The following CLSPN variants were observed in gnomAD, a reference collection of about 807,000 sequenced individuals.
CLSPN encodes the protein claspin, also known as claspin homolog.
CLSPN carries 85 observed loss-of-function variants against 156.3 expected under a neutral mutation model. The ratio of observed to expected loss-of-function variants is 0.54; its 90% CI spans 0.46 to 0.65. CLSPN has a LOEUF of 0.65. Among genes scored for constraint, CLSPN ranks in the 30% least tolerant of loss-of-function variants. The probability of loss-of-function intolerance (pLI) is 0.00; values close to 1 mark genes in which losing one functional copy is unlikely to be tolerated. For synonymous variants in CLSPN, 534 were observed against 542.4 expected (o/e 0.98, Z 0.22); for missense variants, 1,407 against 1,554.9 (o/e 0.90, Z 1.60).
chr1:35,761,868 C>A, intron 6 of CLSPN, 130 bp downstream of exon 6: 1 of 635,268 alleles, frequency 1.6e-6, no homozygotes, highest in Non-Finnish European at 2.8e-6. Flanking sequence ...TCACCAAGAT[C>A]AATTCTAAAC....
At position 35,738,420 on chromosome 1, in the gene CLSPN, C is replaced by G. The variant is rs548457890; in HGVS notation, c.3558+35G>C. 4.4e-6 allele frequency: 7 copies of G among 1,608,680 alleles called. No individual in the cohort carries two copies. The South Asian group carries it at 7.7e-5, about 18-fold the overall frequency. On this transcript the variant is annotated intron_variant, in intron 21 of 24. Coordinates refer to ENST00000318121, the MANE Select transcript of CLSPN (RefSeq NM_022111.4). ...CTATCATGACAAGCTAAGGGACAGT[C>G]TCATAAACTAGGGTCAGAGTAGGTG...
chr1:35,761,132 C>T lies in CLSPN; in HGVS notation c.968G>A (p.Arg323Gln), dbSNP rs750708437. 12 of 1,613,382 alleles carry T rather than the reference C, an allele frequency of 7.4e-6. No homozygotes were observed. Among genetic ancestry groups the T allele is most frequent in the South Asian group, 4.4e-5 (4 of 91,062 alleles). Reference protein sequence around the residue: ...TIHDFFKRKPRPTCHGNAMAL... With the variant: ...TIHDFFKRKPQPTCHGNAMAL... ...CATGGCATTTCCGTGGCAAGTGGGC[C>T]GGGGTTTACGTTTGAAGAAATCATG... The change falls in exon 7 of 25, where the codon CGG (arginine) becomes CAG (glutamine). Residue 323 changes from arginine to glutamine, a missense_variant. By Grantham distance (43) the Arg-to-Gln change is conservative. Coordinates refer to ENST00000318121, the MANE Select transcript of CLSPN (RefSeq NM_022111.4).
chr1:35,738,382 T>C lies in CLSPN; in HGVS notation c.3558+73A>G, dbSNP rs921266910. On this transcript the variant is annotated intron_variant, in intron 21 of 24. Transcript: ENST00000318121. The stretch of plus-strand genomic sequence containing the variant: ...AGATTTTGAAACTATCATGACAAGC[T>C]AAGATTTTGAAACTATCATGACAAG... The C allele has an allele frequency of 6.7e-6, 10 of 1,485,978 alleles. No individual in the cohort carries two copies. The African/African-American group carries it at 1.1e-4, about 17-fold the overall frequency. The allele number at this position is 1,485,978 out of a possible 1,614,324, so 92.0% of individuals were successfully genotyped here.
rs2148613693 is a variant in CLSPN, at chr1:35,739,184, G to C, written c.3382C>G (p.His1128Asp). ...CTCATTCGCCCAGGACCATCGCTGTGCAGATCCCCATCAGCAAGGTACCTC... is the reference window on the plus strand; with the variant it reads ...CTCATTCGCCCAGGACCATCGCTGTCCAGATCCCCATCAGCAAGGTACCTC... ...QERYLADGDLHSDGPGRMRKF... is the reference protein window; with the variant it reads ...QERYLADGDLDSDGPGRMRKF... The change falls in exon 20 of 25, where the codon CAC becomes GAC. Residue 1128 changes from histidine to aspartate, a missense_variant. Physicochemically the swap from His to Asp is moderately conservative, Grantham distance 81 (BLOSUM62 -1). This residue lies in a region of CLSPN where 70 missense variants were observed against 121.5 expected (regional missense o/e 0.58). Transcript: ENST00000318121. 1 of 1,614,124 alleles carries C rather than the reference G, an allele frequency of 6.2e-7. No individual in the cohort carries two copies. Among genetic ancestry groups the C allele is most frequent in the Non-Finnish European group, 8.5e-7 (1 of 1,180,020 alleles).
chr1:35,732,599 A>C lies in CLSPN; in HGVS notation c.*3897T>G. 1.0e-6 allele frequency: 1 copy of C among 985,450 alleles called. No individual in the cohort carries two copies. The highest frequency in any genetic ancestry group is 1.2e-6 in the Non-Finnish European group (1 of 829,926). 61.0% of individuals were successfully genotyped at this position (985,450 alleles called of 1,614,324 possible). On this transcript the variant is annotated 3_prime_UTR_variant, in exon 25 of 25. Transcript: ENST00000318121. ...ATACCATGTATCCCTACTCAAGTGT[A>C]TGGAACAAGGAAGAAACAAAAACAC...
intron 16 of CLSPN, 134 bp from the exon 17 acceptor site, chr1:35,743,664 C>G: frequency 1.6e-6 from 1 of 644,668 alleles, no homozygotes; most frequent in Non-Finnish European, 2.7e-6. Flanking sequence ...TGGTCTCTTA[C>G]ACCACCTGGA....
chr1:35,737,665 C>A (rs1641523045), intron 22 of CLSPN: 1 of 467,872 alleles, frequency 2.1e-6, no homozygotes, highest in Admixed American at 3.3e-5. Context: ...AGCTTCATTT[C>A]TGGAGTTAAA....
In CLSPN at chr1:35,746,858, G is replaced by C; in HGVS notation, c.2762C>G (p.Ser921Cys). 6.2e-7 allele frequency: 1 copy of C among 1,613,698 alleles called. No individual in the cohort carries two copies. Among genetic ancestry groups the C allele is most frequent in the Non-Finnish European group, 8.5e-7 (1 of 1,179,622 alleles). The change falls in exon 15 of 25, where the codon TCT becomes TGT. Residue 921 changes from serine to cysteine, a missense_variant. Coordinates refer to ENST00000318121, the MANE Select transcript of CLSPN (RefSeq NM_022111.4). The surrounding 1 kb of genome is among the most constrained non-coding windows in gnomAD (Gnocchi z 4.2). Reference sequence around the variant, plus strand: ...CCTGGGTAGATGTTTTTCAGCCTGAGATGTGAACTTTCCAGTACACAAATC... The same window carrying C: ...CCTGGGTAGATGTTTTTCAGCCTGACATGTGAACTTTCCAGTACACAAATC... ...LLDLCTGKFTSQAEKHLPRKS... is the reference protein window; with the variant it reads ...LLDLCTGKFTCQAEKHLPRKS...
In CLSPN at chr1:35,764,299, A is replaced by C. The variant is rs1183533468; in HGVS notation, c.549T>G (p.Ile183Met). The change falls in exon 3 of 25, where the codon ATT (isoleucine) becomes ATG (methionine). Residue 183 changes from isoleucine (I) to methionine (M), a missense_variant. Physicochemically the swap from Ile to Met is conservative, Grantham distance 10. Around this residue, in one of 3 missense-constraint regions of CLSPN, gnomAD observed 1,096 missense variants for 1,193.0 expected, o/e 0.92. Transcript: ENST00000318121. Reference protein sequence around the residue: ...LEKEERKMEKIRQLKKKETKN... With the variant: ...LEKEERKMEKMRQLKKKETKN... The stretch of plus-strand genomic sequence containing the variant: ...TTGTTTCCTTCTTTTTTAGCTGTCT[A>C]ATTTTTTCCATTTTTCTCTCCTCTT... 1 of 1,580,596 alleles carries C rather than the reference A, an allele frequency of 6.3e-7. No individual in the cohort carries two copies. The highest frequency in any genetic ancestry group is 1.2e-5 in the South Asian group (1 of 83,908).
At chr1:35,768,767 G>A (rs1197809361) in intron 1 of CLSPN, among the ~76,000 whole-genome samples, 1 of 152,134 alleles carries the variant, frequency 6.6e-6, no homozygotes, top group Non-Finnish European at 1.5e-5. Context: ...GTTTGTGAGT[G>A]TGGAAACCGA....
At chr1:35,763,370 G>C (rs1254644681) in intron 3 of CLSPN, 49 bp from the exon 4 acceptor site, 1 of 1,403,126 alleles carries the variant, frequency 7.1e-7, no homozygotes, top group Non-Finnish European at 9.5e-7. Flanking sequence ...TAAAAATCCA[G>C]TATTTCACAA....
At position 35,769,860 on chromosome 1, in the gene CLSPN, T is replaced by G. The variant is rs754733730; in HGVS notation, c.11A>C (p.Glu4Ala). 2 of 1,608,104 alleles carry G rather than the reference T, an allele frequency of 1.2e-6. No individual in the cohort carries two copies. Among genetic ancestry groups the G allele is most frequent in the Admixed American group, 3.4e-5 (2 of 59,498 alleles). The part of the protein sequence containing the change: MTG[E>A]VGSEVHLEIN... ...GCATAAACTCACCTCAGAACCCACC[T>G]CGCCTGTCATGACTTCTGCCTCCCC... The change falls in exon 1 of 25, where the codon GAG becomes GCG. Residue 4 changes from glutamate to alanine, a missense_variant. Transcript: ENST00000318121.
At chr1:35,747,106 A>G in intron 14 of CLSPN, 114 bp from the exon 15 acceptor site, 3 of 702,216 alleles carry the variant, frequency 4.3e-6, no homozygotes. Flanking sequence ...GCGGATCACG[A>G]GGTCAGGAGA....
chr1:35,757,395 G>T (rs1008199665), intron 8 of CLSPN, among the ~76,000 whole-genome samples: 17 of 152,178 alleles, frequency 1.1e-4, no homozygotes, highest in Non-Finnish European at 2.2e-4. Context: ...ATTATGGCTG[G>T]TCTGGAAACC....
At chr1:35,762,179 T>A in intron 5 of CLSPN, 109 bp from the exon 6 acceptor site, 2 of 850,966 alleles carry the variant, frequency 2.4e-6, no homozygotes, top group Non-Finnish European at 3.7e-6. Context: ...AAGGAAATAG[T>A]AAGCATGAGT....
intron 5 of CLSPN, 81 bp from the exon 6 acceptor site, chr1:35,762,151 C>A (rs1260671495): frequency 7.2e-6 from 8 of 1,118,344 alleles, no homozygotes; most frequent in Non-Finnish European, 1.1e-5. Context: ...AGAGTTTGCT[C>A]TCTCCAAGAA....
intron 14 of CLSPN, 85 bp downstream of exon 14, chr1:35,747,822 G>T: frequency 7.9e-7 from 1 of 1,261,870 alleles, no homozygotes; most frequent in Non-Finnish European, 1.1e-6. Context: ...AAGCACAGAT[G>T]GAGTGACAGA....
At chr1:35,728,322 A>AC (rs1286028626), downstream of CLSPN, among the ~76,000 whole-genome samples, 1 of 148,998 alleles carries the variant, frequency 6.7e-6, no homozygotes, top group Non-Finnish European at 1.5e-5. Context: ...GTTCAAGCAA[A>AC]CCCCCCACCT....
At chr1:35,740,402 G>C (rs912822792) in intron 18 of CLSPN, among the ~76,000 whole-genome samples, 24 of 151,420 alleles carry the variant, frequency 1.6e-4, no homozygotes, top group Non-Finnish European at 2.7e-4. Context: ...TTTTATCGAA[G>C]ACCTATACTG....
Sources: gnomAD v4.1 joint callset for allele counts (sites outside exome capture counted in the v4.1 genomes callset) on GRCh38, gnomAD v4.1.1 for gene constraint, gnomAD v4.1.1 regional missense constraint, Gnocchi (gnomAD v3.1) non-coding constraint, MANE v1.5 for transcripts, NCBI Gene and HGNC (gene_info 2026-07-23, HGNC 2026-07-21) for gene names.